FAT3: variants seen among roughly 807,000 people sequenced by gnomAD.
FAT3 encodes the protein FAT atypical cadherin 3.
FAT3 carries 95 observed loss-of-function variants against 310.2 expected under a neutral mutation model. The observed-to-expected ratio is 0.31, with a 90% CI of 0.26 to 0.36. The LOEUF (loss-of-function observed/expected upper bound fraction) is 0.36, where lower values mean the gene tolerates loss of function less well. Ranked by LOEUF, FAT3 falls within the 10% of genes least tolerant of loss-of-function variation. The pLI is 1.00. For synonymous variants in FAT3, 2,314 were observed against 2,192.9 expected (o/e 1.06, Z -1.54); for missense variants, 5,408 against 5,715.6 (o/e 0.95, Z 1.74).
At chr11:92,567,741 A>T (rs1391278688) in intron 3 of FAT3, among the ~76,000 whole-genome samples, 1 of 152,186 alleles carries the variant, frequency 6.6e-6, no homozygotes, top group Non-Finnish European at 1.5e-5. Flanking sequence ...TTGTAGGGAC[A>T]TGGATGAAAT....
rs531749926 is a variant in FAT3, at chr11:92,445,337, G to C, written c.3293-79297G>C. Among the ~76,000 whole-genome samples the C allele has an allele frequency of 3.0e-4, 46 of 152,156 alleles. No individual in the cohort carries two copies. The South Asian group carries it at 8.9e-3, about 30-fold the overall frequency. On this transcript the variant is annotated intron_variant, in intron 2 of 27. Coordinates refer to ENST00000525166, the MANE Select transcript of FAT3 (RefSeq NM_001367949.2). ...CCAGAGCAGTGGAATCATGATCTCT[G>C]GGGATGGGGTTTGGGTGGCTGTGTT...
intron 2 of FAT3, among the ~76,000 whole-genome samples, chr11:92,423,819 G>A (rs1436739511): frequency 6.6e-6 from 1 of 152,142 alleles, no homozygotes; most frequent in Non-Finnish European, 1.5e-5. Flanking sequence ...GGAAACCTCA[G>A]TTGTTACTCT....
chr11:92,360,184 A>G (rs1380057298), intron 2 of FAT3, among the ~76,000 whole-genome samples: 1 of 152,212 alleles, frequency 6.6e-6, no homozygotes, highest in Admixed American at 6.5e-5. Context: ...TCAATGTACA[A>G]AAATCACAAG....
At chr11:92,593,091 A>G (rs185197895) in intron 3 of FAT3, among the ~76,000 whole-genome samples, 6 of 152,256 alleles carry the variant, frequency 3.9e-5, no homozygotes, top group Admixed American at 2.0e-4. Context: ...TATTTCTGTT[A>G]GCATAATGTC....
intron 3 of FAT3, among the ~76,000 whole-genome samples, chr11:92,695,967 T>C (rs1272113465): frequency 1.3e-5 from 2 of 152,162 alleles, no homozygotes; most frequent in African/African-American, 2.4e-5. Flanking sequence ...TAATAGTGTA[T>C]TGTACATTTC....
chr11:92,611,584 G>A (rs977859367), intron 3 of FAT3, among the ~76,000 whole-genome samples: 2 of 152,066 alleles, frequency 1.3e-5, no homozygotes, highest in African/African-American at 4.8e-5. Context: ...AGTAGAGACA[G>A]GGTTTTGCCA....
chr11:92,534,449 A>G (rs1954181731), intron 3 of FAT3, among the ~76,000 whole-genome samples: 1 of 152,242 alleles, frequency 6.6e-6, no homozygotes. Context: ...TAATGATCCT[A>G]GAACTTTGTG....
chr11:92,392,855 G>T (rs373988463), intron 2 of FAT3, among the ~76,000 whole-genome samples: 9 of 152,166 alleles, frequency 5.9e-5, no homozygotes, highest in African/African-American at 2.2e-4. Context: ...CCCATAGCAG[G>T]TGATCAGCAA....
At chr11:92,572,211 G>C (rs999512331) in intron 3 of FAT3, among the ~76,000 whole-genome samples, 1 of 152,190 alleles carries the variant, frequency 6.6e-6, no homozygotes, top group Non-Finnish European at 1.5e-5. Context: ...CTCCAATTGA[G>C]TGATCTTACT....
chr11:92,328,354 A>G (rs1442840266), intron 1 of FAT3, among the ~76,000 whole-genome samples: 1 of 152,198 alleles, frequency 6.6e-6, no homozygotes, highest in East Asian at 1.9e-4. Flanking sequence ...CCTGAAAGGG[A>G]TCTCCAGTTG....
At chr11:92,577,371 G>A (rs773557250) in intron 3 of FAT3, among the ~76,000 whole-genome samples, 20 of 151,978 alleles carry the variant, frequency 1.3e-4, no homozygotes, top group Non-Finnish European at 2.5e-4. Flanking sequence ...ACCTCCCAAA[G>A]TGCTGAGATC....
intron 4 of FAT3, among the ~76,000 whole-genome samples, chr11:92,719,909 G>A (rs1944814012): frequency 6.6e-6 from 1 of 152,142 alleles, no homozygotes; most frequent in Non-Finnish European, 1.5e-5. Flanking sequence ...GAAACCTGGT[G>A]TTTGGGAAAA....
At chr11:92,876,500 A>G (rs1376137021) in intron 22 of FAT3, among the ~76,000 whole-genome samples, 1 of 152,222 alleles carries the variant, frequency 6.6e-6, no homozygotes, top group African/African-American at 2.4e-5. Flanking sequence ...GCTGGCATCA[A>G]CAATGGCCTT....
chr11:92,625,078 A>G (rs1197408550), intron 3 of FAT3, among the ~76,000 whole-genome samples: 1 of 152,164 alleles, frequency 6.6e-6, no homozygotes, highest in African/African-American at 2.4e-5. Context: ...ACACAATTTA[A>G]CCCATCATGG....
At chr11:92,715,918 G>A (rs1944667970) in intron 4 of FAT3, among the ~76,000 whole-genome samples, 1 of 152,162 alleles carries the variant, frequency 6.6e-6, no homozygotes, top group African/African-American at 2.4e-5. Context: ...CCTGCCAGTG[G>A]AAGTAGGAAT....
chr11:92,692,315 A>G (rs1943819098), intron 3 of FAT3, among the ~76,000 whole-genome samples: 2 of 152,200 alleles, frequency 1.3e-5, no homozygotes, highest in Admixed American at 1.3e-4. Flanking sequence ...TCATTCAGAT[A>G]AATTTTGCTT....
intron 1 of FAT3, among the ~76,000 whole-genome samples, chr11:92,322,323 A>C (rs746692725): frequency 5.3e-5 from 8 of 152,198 alleles, no homozygotes; most frequent in Non-Finnish European, 1.0e-4. Flanking sequence ...GCTAAAAAAA[A>C]ATGCTAAGGG....
At chr11:92,524,251 T>C (rs1565382705) in intron 2 of FAT3, among the ~76,000 whole-genome samples, 2 of 152,124 alleles carry the variant, frequency 1.3e-5, no homozygotes, top group Non-Finnish European at 2.9e-5. Context: ...AATGGAGATA[T>C]TGACCTGATA....
chr11:92,512,437 T>C (rs954113533), intron 2 of FAT3, among the ~76,000 whole-genome samples: 25 of 150,382 alleles, frequency 1.7e-4, no homozygotes, highest in African/African-American at 5.6e-4. Context: ...ATGACTTTCC[T>C]AGTAAAGGTT....
Sources: allele counts gnomAD v4.1 joint callset (sites outside exome capture counted in the v4.1 genomes callset), GRCh38; gene constraint gnomAD v4.1.1; transcripts MANE v1.5; gene names NCBI Gene and HGNC (gene_info 2026-07-23, HGNC 2026-07-21).